The following SRD5A2 variants were observed in gnomAD, a reference collection of about 807,000 sequenced individuals.
The protein encoded by SRD5A2 is steroid 5 alpha-reductase 2.
A neutral mutation model predicts 27.4 loss-of-function variants in SRD5A2; 30 were observed. That is an observed-to-expected ratio of 1.10 (90% CI 0.82 to 1.49). The LOEUF is 1.49. Ranked by LOEUF, SRD5A2 falls within the 40% of genes most tolerant of loss-of-function variation. The pLI is 0.00. For synonymous variants in SRD5A2, 141 were observed against 133.6 expected, an observed-to-expected ratio of 1.06 and a Z score of -0.38; for missense variants, 348 against 323.4, an observed-to-expected ratio of 1.08 and a Z score of -0.58.
chr2:31,591,345 A>G, the SRD5A2 span, among the ~76,000 whole-genome samples: 1 of 152,236 alleles, frequency 6.6e-6, no homozygotes, highest in African/African-American at 2.4e-5. Context: ...AATGCTCATC[A>G]TCACTGGCCA....
upstream of SRD5A2, among the ~76,000 whole-genome samples, chr2:31,584,297 A>G (rs1667141162): frequency 6.6e-6 from 1 of 152,328 alleles, no homozygotes; most frequent in Admixed American, 6.5e-5. Context: ...AAAACATAAA[A>G]TCAATCCCCC....
intron 1 of SRD5A2, among the ~76,000 whole-genome samples, chr2:31,544,205 T>G (rs779863619): frequency 6.6e-6 from 1 of 151,890 alleles, no homozygotes; most frequent in South Asian, 2.1e-4. Flanking sequence ...AACTTCAGAA[T>G]TGAAGTAAAA....
At chr2:31,654,458 G>A in the SRD5A2 span, among the ~76,000 whole-genome samples, 462 of 152,266 alleles carry the variant, frequency 3.0e-3, 4 homozygotes, top group African/African-American at 0.011. Flanking sequence ...ATCAGCTGGT[G>A]CGTGGGTGAG....
At chr2:31,656,345 C>A in the SRD5A2 span, among the ~76,000 whole-genome samples, 19 of 152,198 alleles carry the variant, frequency 1.2e-4, no homozygotes, top group Non-Finnish European at 2.5e-4. Flanking sequence ...TACTCAACCT[C>A]CTTTGATCAT....
the SRD5A2 span, among the ~76,000 whole-genome samples, chr2:31,617,858 T>A: frequency 6.6e-6 from 1 of 152,248 alleles, no homozygotes; most frequent in Non-Finnish European, 1.5e-5. Flanking sequence ...CACATTTTCC[T>A]GTCTTCTTTT....
chr2:31,579,938 T>C (rs939230334), intron 1 of SRD5A2, among the ~76,000 whole-genome samples: 1 of 152,036 alleles, frequency 6.6e-6, no homozygotes, highest in African/African-American at 2.4e-5. Context: ...CCCAGGGAAA[T>C]TGGAAAGGTA....
the SRD5A2 span, among the ~76,000 whole-genome samples, chr2:31,621,658 G>T: frequency 1.1e-4 from 16 of 151,938 alleles, no homozygotes; most frequent in Admixed American, 2.6e-4. Flanking sequence ...TAAAGACATG[G>T]TCTCACTCTG....
intron 1 of SRD5A2, among the ~76,000 whole-genome samples, chr2:31,574,510 T>G (rs940244641): frequency 6.6e-6 from 1 of 152,212 alleles, no homozygotes; most frequent in Non-Finnish European, 1.5e-5. Context: ...AAAAGTGAAG[T>G]GGTCACGATC....
intron 4 of SRD5A2, among the ~76,000 whole-genome samples, chr2:31,526,464 A>G (rs1665783520): frequency 6.6e-6 from 1 of 152,214 alleles, no homozygotes; most frequent in African/African-American, 2.4e-5. Context: ...GGAAATGAAA[A>G]GTAACAGGCA....
chr2:31,596,935 A>G, the SRD5A2 span, among the ~76,000 whole-genome samples: 1 of 152,120 alleles, frequency 6.6e-6, no homozygotes, highest in Non-Finnish European at 1.5e-5. Flanking sequence ...CAATCTACAA[A>G]TTCAATGAAA....
At chr2:31,634,747 C>G in the SRD5A2 span, among the ~76,000 whole-genome samples, 14 of 152,152 alleles carry the variant, frequency 9.2e-5, 1 homozygote, top group South Asian at 2.9e-3. Flanking sequence ...ATGAGTTCTA[C>G]TTTTTTAGCT....
chr2:31,522,990 T>C lies in SRD5A2; in HGVS notation c.*3206A>G. The C allele has an allele frequency of 4.5e-6, 1 of 220,948 alleles. No individual in the cohort carries two copies. The highest frequency in any genetic ancestry group is 9.1e-6 in the Non-Finnish European group (1 of 110,420). 13.7% of individuals were successfully genotyped at this position (220,948 alleles called of 1,614,324 possible). Reference sequence around the variant, plus strand: ...CTTCAGGGTTGTAAAACCACGGATTTATTTATTTGTTCCTGAAAGGGTCTA... The same window carrying C: ...CTTCAGGGTTGTAAAACCACGGATTCATTTATTTGTTCCTGAAAGGGTCTA... On this transcript the variant is annotated 3_prime_UTR_variant, in exon 5 of 5. Transcript: ENST00000622030.
At chr2:31,645,793 GAA>G in the SRD5A2 span, among the ~76,000 whole-genome samples, 133 of 152,282 alleles carry the variant, frequency 8.7e-4, no homozygotes, top group African/African-American at 3.1e-3. Context: ...GATATTGAAT[GAA>G]AGAGTAAATG....
chr2:31,523,369 A>G lies in SRD5A2; in HGVS notation c.*2827T>C, dbSNP rs866809813. 8 of 214,088 alleles carry G rather than the reference A, an allele frequency of 3.7e-5. No homozygotes were observed. The highest frequency in any genetic ancestry group is 1.4e-3 in the Middle Eastern group (1 of 704). The allele number at this position is 214,088 out of a possible 1,614,324, so 13.3% of individuals were successfully genotyped here. A position where few individuals can be genotyped will look rare whatever the true frequency, so the allele number is the denominator to read the frequency against. ...CTGCATGAGCTCTGTAGAAATCCAGATGGCAGCCCTAAAGGCTGTGCCTTA... is the reference window on the plus strand; with the variant it reads ...CTGCATGAGCTCTGTAGAAATCCAGGTGGCAGCCCTAAAGGCTGTGCCTTA... On this transcript the variant is annotated 3_prime_UTR_variant, in exon 5 of 5. Transcript: ENST00000622030.
the SRD5A2 span, among the ~76,000 whole-genome samples, chr2:31,611,471 T>A: frequency 4.6e-5 from 7 of 152,122 alleles, no homozygotes; most frequent in African/African-American, 1.7e-4. Context: ...GTATCCATCA[T>A]ACATAAAGAA....
rs1402286043 is a variant in SRD5A2 at position 31,522,921 on chromosome 2, T to C, written c.*3275A>G. On this transcript the variant is annotated 3_prime_UTR_variant, in exon 5 of 5. Transcript: ENST00000622030. ...CTTGCTCCCCTGCTTCTTAGTGAGA[T>C]TGCCATGAGGTAACCACAAAAATCC... 4 of 222,756 alleles carry C rather than the reference T, an allele frequency of 1.8e-5. No homozygotes were observed. 13.8% of individuals were successfully genotyped at this position (222,756 alleles called of 1,614,324 possible).
chr2:31,615,253 G>A, the SRD5A2 span, among the ~76,000 whole-genome samples: 9 of 152,106 alleles, frequency 5.9e-5, no homozygotes, highest in African/African-American at 9.7e-5. Flanking sequence ...GAGTAACAGA[G>A]GTTGGAGCAG....
chr2:31,621,386 T>A, the SRD5A2 span, among the ~76,000 whole-genome samples: 2 of 152,108 alleles, frequency 1.3e-5, no homozygotes, highest in Non-Finnish European at 2.9e-5. Context: ...CATTTGGGAT[T>A]TTCAATCAGC....
chr2:31,563,791 A>G (rs1295234707), intron 1 of SRD5A2, among the ~76,000 whole-genome samples: 1 of 152,188 alleles, frequency 6.6e-6, no homozygotes, highest in East Asian at 1.9e-4. Flanking sequence ...GCCTGTACCC[A>G]TAAGCCAGAT....
Sources: allele counts gnomAD v4.1 joint callset (sites outside exome capture counted in the v4.1 genomes callset), GRCh38; gene constraint gnomAD v4.1.1; transcripts MANE v1.5; gene names NCBI Gene and HGNC (gene_info 2026-07-23, HGNC 2026-07-21).